The following SLC22A5 variants were observed in gnomAD, a reference collection of about 807,000 sequenced individuals.
The protein encoded by SLC22A5 is solute carrier family 22 member 5, also known as organic cation/carnitine transporter 2.
SLC22A5 carries 44 observed loss-of-function variants against 56.7 expected under a neutral mutation model. That is an observed-to-expected ratio of 0.78 (90% CI 0.61 to 1.00). SLC22A5 has a LOEUF of 1.00. Among genes scored for constraint, SLC22A5 ranks in the 50% least tolerant of loss-of-function variants. SLC22A5 has a pLI of 0.00. For synonymous variants in SLC22A5, 278 were observed against 292.1 expected, an observed-to-expected ratio of 0.95 and a Z score of 0.49; for missense variants, 675 against 723.0, an observed-to-expected ratio of 0.93 and a Z score of 0.76.
rs11568512 is a variant in SLC22A5, at chr5:132,385,537, G to T, written c.824+38G>T. ...TTGTGCCCCATGTGCCCACTGGCAG[G>T]ATGATTTCTGTCTGGCCTTCACTAG... On this transcript the variant is annotated intron_variant, in intron 4 of 9. Transcript: ENST00000245407. 1,277 of 1,585,924 alleles carry T rather than the reference G, an allele frequency of 8.1e-4. 20 individuals carry two copies. The East Asian group carries it at 0.022, about 28-fold the overall frequency.
intron 8 of SLC22A5, among the ~76,000 whole-genome samples, chr5:132,393,442 T>C (rs2126792402): frequency 6.6e-6 from 1 of 152,292 alleles, no homozygotes; most frequent in African/African-American, 2.4e-5. Context: ...ACCGCCCCTT[T>C]GTACTCCTCC....
At chr5:132,384,661 G>T (rs1198821881) in intron 3 of SLC22A5, among the ~76,000 whole-genome samples, 1 of 152,222 alleles carries the variant, frequency 6.6e-6, no homozygotes, top group Admixed American at 6.5e-5. Flanking sequence ...GAAAGAGGGC[G>T]GCATGGTTGG....
intron 2 of SLC22A5, 119 bp from the exon 3 acceptor site, chr5:132,384,028 T>C (rs1355914040): frequency 1.0e-6 from 1 of 997,190 alleles, no homozygotes; most frequent in African/African-American, 1.6e-5. Context: ...GCAGCCAGTA[T>C]TCTGGCAACA....
intron 4 of SLC22A5, among the ~76,000 whole-genome samples, chr5:132,386,206 T>TTTTTC (rs1397844041): frequency 1.4e-5 from 2 of 148,078 alleles, no homozygotes; most frequent in Non-Finnish European, 1.5e-5. Context: ...TTTTTTCCTT[T>TTTTTC]TTTTCTTTTC....
rs768206835 is a variant in SLC22A5, at chr5:132,387,162, T to C, written c.951+11T>C. The C allele has an allele frequency of 1.3e-5, 21 of 1,613,968 alleles. No individual in the cohort carries two copies. Among genetic ancestry groups the C allele is most frequent in the East Asian group, 2.2e-5 (1 of 44,892 alleles). On this transcript the variant is annotated intron_variant, in intron 5 of 9. Coordinates refer to ENST00000245407, the MANE Select transcript of SLC22A5 (RefSeq NM_003060.4). The stretch of plus-strand genomic sequence containing the variant: ...TTTGACCCGAGTGAGGTAAGCACCA[T>C]GTGGGTGTGGGTGAGAGGGACAGAC...
chr5:132,376,596 A>T (rs1380575230), intron 1 of SLC22A5: 1 of 152,172 alleles, frequency 6.6e-6, no homozygotes, highest in Admixed American at 6.6e-5. Context: ...GCCCACGTGG[A>T]TTGCTAGTCT....
In SLC22A5 at chr5:132,385,378, G is replaced by A. The variant is rs772523436; in HGVS notation, c.703G>A (p.Val235Met). ...SVRIIFSTLG[V>M]CIFYAFGYMV... is the part of the protein sequence containing the mutation. The stretch of plus-strand genomic sequence containing the variant: ...TCGTATAATATTCTCTACGTTAGGA[G>A]TGTGCATATTTTATGCATTTGGCTA... The change falls in exon 4 of 10, where the codon GTG becomes ATG. Residue 235 changes from valine (V) to methionine (M), a missense_variant. By Grantham distance (21) the Val-to-Met change is conservative (BLOSUM62 1). Coordinates refer to ENST00000245407, the MANE Select transcript of SLC22A5 (RefSeq NM_003060.4). 2 of 1,613,800 alleles carry A rather than the reference G, an allele frequency of 1.2e-6. No homozygotes were observed. The highest frequency in any genetic ancestry group is 2.2e-5 in the East Asian group (1 of 44,884).
At chr5:132,390,282 T>C in intron 6 of SLC22A5, 1 of 340,108 alleles carries the variant, frequency 2.9e-6, no homozygotes, top group Non-Finnish European at 5.6e-6. Flanking sequence ...CCCCAAATCC[T>C]ATCACACCTC....
At chr5:132,392,650 C>T (rs374284272) in intron 8 of SLC22A5, 35 bp downstream of exon 8, 143 of 1,585,022 alleles carry the variant, frequency 9.0e-5, no homozygotes, top group Non-Finnish European at 1.1e-4. Context: ...ACTAGAGCAA[C>T]GGGATGGAAG....
At chr5:132,382,865 T>C (rs1329333821) in intron 2 of SLC22A5, 1 of 152,204 alleles carries the variant, frequency 6.6e-6, no homozygotes, top group Non-Finnish European at 1.5e-5. Context: ...TAATAGATGC[T>C]CAATAAACAT....
intron 1 of SLC22A5, among the ~76,000 whole-genome samples, chr5:132,372,539 A>AG (rs1004139964): frequency 4.6e-5 from 7 of 152,330 alleles, no homozygotes; most frequent in African/African-American, 1.7e-4. Context: ...CAGCTGTGCC[A>AG]GGGGGTCTGA....
At chr5:132,386,509 G>A (rs563006041) in intron 4 of SLC22A5, among the ~76,000 whole-genome samples, 107 of 152,294 alleles carry the variant, frequency 7.0e-4, no homozygotes, top group African/African-American at 2.4e-3. Flanking sequence ...GGGATTATAG[G>A]AGTGAACCAC....
At chr5:132,391,471 C>T (rs566734802) in intron 7 of SLC22A5, among the ~76,000 whole-genome samples, 1 of 152,308 alleles carries the variant, frequency 6.6e-6, no homozygotes, top group South Asian at 2.1e-4. Context: ...CAGATAGTGT[C>T]CCTGAACAGG....
Position 132,378,482 on chromosome 5 carries a change from G to A in SLC22A5, c.497+1G>A. On this transcript the variant is annotated splice_donor_variant, in intron 2 of 9. Transcript: ENST00000245407. LOFTEE classifies it high-confidence loss of function. ...TCATTTCAGGGCAGCTGTCAGACAGGTAAGGTGTCTGTCTTCTGGAGCACC... is the reference window on the plus strand; with the variant it reads ...TCATTTCAGGGCAGCTGTCAGACAGATAAGGTGTCTGTCTTCTGGAGCACC... The A allele has an allele frequency of 6.2e-7, 1 of 1,609,436 alleles. No individual in the cohort carries two copies. Among genetic ancestry groups the A allele is most frequent in the South Asian group, 1.1e-5 (1 of 90,978 alleles).
rs368439003 is a variant in SLC22A5 at position 132,371,018 on chromosome 5, C to A, written c.393+653C>A. ...CTGGAGCGCAGTCGTGTGTTCTTGG[C>A]TCACTGCAACCTTCGCAGTCGTGCG... is the stretch of plus-strand genomic sequence containing the variant. On this transcript the variant is annotated intron_variant, in intron 1 of 9. Coordinates refer to ENST00000245407, the MANE Select transcript of SLC22A5 (RefSeq NM_003060.4). Among the ~76,000 whole-genome samples the A allele has an allele frequency of 4.3e-4, 64 of 147,732 alleles. No homozygotes were observed. The South Asian group carries it at 7.6e-3, about 17-fold the overall frequency.
At chr5:132,393,260 C>T (rs1490046912) in intron 8 of SLC22A5, among the ~76,000 whole-genome samples, 2 of 151,262 alleles carry the variant, frequency 1.3e-5, no homozygotes, top group Non-Finnish European at 3.0e-5. Context: ...AAGCACCCTG[C>T]CTAATCTGAA....
intron 8 of SLC22A5, 24 bp downstream of exon 8, chr5:132,392,639 C>T (rs1261376855): frequency 4.4e-6 from 7 of 1,603,504 alleles, no homozygotes; most frequent in Non-Finnish European, 6.0e-6. Context: ...GCCAAGGGCA[C>T]ACTAGAGCAA....
chr5:132,389,323 C>T, intron 6 of SLC22A5: 1 of 382,102 alleles, frequency 2.6e-6, no homozygotes, highest in Non-Finnish European at 5.0e-6. Context: ...GTTCCCGTCT[C>T]CTACCCAGTT....
rs1752821428 is a variant in SLC22A5 at position 132,394,748 on chromosome 5, T to G, written c.*476T>G. On this transcript the variant is annotated 3_prime_UTR_variant, in exon 10 of 10. Coordinates refer to ENST00000245407, the MANE Select transcript of SLC22A5 (RefSeq NM_003060.4). ...GAGTTTGATTCTTACCTTTTCTCAG[T>G]TACAGAGGACATTAACTGGATCATT... The G allele has an allele frequency of 5.6e-6, 1 of 179,198 alleles. No individual in the cohort carries two copies. Among genetic ancestry groups the G allele is most frequent in the Non-Finnish European group, 1.2e-5 (1 of 83,904 alleles). The allele number at this position is 179,198 out of a possible 1,614,324, so 11.1% of individuals were successfully genotyped here. A position where few individuals can be genotyped will look rare whatever the true frequency, so the allele number is the denominator to read the frequency against.
Sources: gnomAD v4.1 joint callset for allele counts (sites outside exome capture counted in the v4.1 genomes callset) on GRCh38, gnomAD v4.1.1 for gene constraint, MANE v1.5 for transcripts, NCBI Gene and HGNC (gene_info 2026-07-23, HGNC 2026-07-21) for gene names.